Variants in ADGB observed in about 807,000 individuals in gnomAD.
ADGB encodes the protein androglobin.
ADGB carries 172 observed loss-of-function variants against 210.5 expected under a neutral mutation model. The ratio of observed to expected loss-of-function variants is 0.82; its 90% CI spans 0.72 to 0.93. ADGB has a LOEUF of 0.93. ADGB is among the 40% of genes least tolerant of loss of function. The pLI, the probability that ADGB is intolerant of heterozygous loss-of-function variation, is 0.00. For synonymous variants in ADGB, 658 were observed against 662.7 expected, an observed-to-expected ratio of 0.99 and a Z score of 0.11; for missense variants, 2,025 against 1,964.8, an observed-to-expected ratio of 1.03 and a Z score of -0.58.
In ADGB at chr6:146,618,854, C is replaced by A. The variant is rs59188092; in HGVS notation, c.75-16521C>A. On this transcript the variant is annotated intron_variant, in intron 1 of 35. Coordinates refer to ENST00000397944, the MANE Select transcript of ADGB (RefSeq NM_024694.4). ...GAGGGATGAAATGTTATGTAAATGT[C>A]TGTTAGGGCTCTTTCATCTGGAGTG... Among the ~76,000 whole-genome samples, 960 of 151,684 alleles carry A rather than the reference C, an allele frequency of 6.3e-3. 7 individuals carry two copies. Among genetic ancestry groups the A allele is most frequent in the African/African-American group, 0.022 (905 of 41,428 alleles).
chr6:146,700,662 G>C (rs1013959695), intron 12 of ADGB, among the ~76,000 whole-genome samples: 10 of 151,982 alleles, frequency 6.6e-5, no homozygotes, highest in African/African-American at 2.2e-4. Context: ...TTTCTGTTTT[G>C]ATCATCAAAA....
intron 35 of ADGB, among the ~76,000 whole-genome samples, chr6:146,805,078 G>A (rs9497637): frequency 0.019 from 2,824 of 152,212 alleles, 93 homozygotes; most frequent in African/African-American, 0.063. Context: ...TGTCCAGTGC[G>A]GTTCAATAGA....
In ADGB at chr6:146,676,309, T is replaced by A. The variant is rs1467483678; in HGVS notation, c.1088-4T>A. On this transcript the variant is annotated splice_region_variant and splice_polypyrimidine_tract_variant and intron_variant, in intron 8 of 35. Transcript: ENST00000397944. ...ATATTTATTGTGATTTTTTCATATG[T>A]TAGAGAAAGCAGATGCAAGAGACAT... 1.6e-5 allele frequency: 25 copies of A among 1,539,814 alleles called. No homozygotes were observed. Among genetic ancestry groups the A allele is most frequent in the Non-Finnish European group, 2.1e-5 (24 of 1,142,046 alleles).
chr6:146,600,719 ATT>A (rs11341825), intron 1 of ADGB, among the ~76,000 whole-genome samples: 23 of 149,620 alleles, frequency 1.5e-4, no homozygotes, highest in South Asian at 4.2e-4. Flanking sequence ...TAAAAACTAC[ATT>A]TTTTTTTTTC....
chr6:146,619,331 T>C (rs1335711048), intron 1 of ADGB, among the ~76,000 whole-genome samples: 1 of 152,112 alleles, frequency 6.6e-6, no homozygotes, highest in Non-Finnish European at 1.5e-5. Flanking sequence ...TCAGCCACTC[T>C]ATTTTTTAAT....
At chr6:146,788,050 C>T (rs905996043) in intron 32 of ADGB, among the ~76,000 whole-genome samples, 1 of 152,180 alleles carries the variant, frequency 6.6e-6, no homozygotes, top group Non-Finnish European at 1.5e-5. Flanking sequence ...TATTATGAAG[C>T]ATTGTCAGCA....
At chr6:146,655,998 AC>A (rs1170302353) in intron 4 of ADGB, among the ~76,000 whole-genome samples, 1 of 152,142 alleles carries the variant, frequency 6.6e-6, no homozygotes, top group Non-Finnish European at 1.5e-5. Context: ...ACCCACTGTG[AC>A]CTAGAGATTT....
intron 8 of ADGB, among the ~76,000 whole-genome samples, chr6:146,673,874 AC>A (rs767683467): frequency 3.9e-5 from 6 of 152,160 alleles, no homozygotes; most frequent in Non-Finnish European, 7.3e-5. Flanking sequence ...GCAAAATTAA[AC>A]CAGGAATGAT....
intron 1 of ADGB, among the ~76,000 whole-genome samples, chr6:146,600,773 A>G (rs944940298): frequency 1.4e-5 from 2 of 145,010 alleles, no homozygotes; most frequent in Non-Finnish European, 3.1e-5. Flanking sequence ...TTCCTTTTCT[A>G]TTTTACATAC....
intron 13 of ADGB, among the ~76,000 whole-genome samples, chr6:146,705,582 T>C (rs777513558): frequency 1.3e-5 from 2 of 152,196 alleles, no homozygotes; most frequent in African/African-American, 2.4e-5. Context: ...ATCATACTTG[T>C]AGATTTGCAT....
chr6:146,615,306 C>A (rs1462682985), intron 1 of ADGB, among the ~76,000 whole-genome samples: 2 of 151,310 alleles, frequency 1.3e-5, no homozygotes, highest in Non-Finnish European at 2.9e-5. Context: ...GATCCACCCC[C>A]ACAGTCAAAT....
At chr6:146,674,057 A>G (rs930964863) in intron 8 of ADGB, among the ~76,000 whole-genome samples, 1 of 152,180 alleles carries the variant, frequency 6.6e-6, no homozygotes, top group African/African-American at 2.4e-5. Flanking sequence ...TCGGGGCCAA[A>G]GGAAAAAGTG....
intron 28 of ADGB, among the ~76,000 whole-genome samples, chr6:146,766,633 T>C (rs1777580448): frequency 6.6e-6 from 1 of 151,988 alleles, no homozygotes. Context: ...AGTCTTCCCT[T>C]TCCAAAAAAC....
chr6:146,810,287 T>C (rs1436184082), intron 35 of ADGB, among the ~76,000 whole-genome samples: 2 of 151,572 alleles, frequency 1.3e-5, no homozygotes, highest in Non-Finnish European at 3.0e-5. Context: ...ATGGCTTTTA[T>C]CATAAAGACA....
rs1466488539 is a variant in ADGB at position 146,799,330 on chromosome 6, A to G, written c.4538-1853A>G. Among the ~76,000 whole-genome samples the G allele has an allele frequency of 2.0e-5, 3 of 151,996 alleles. No individual in the cohort carries two copies. The East Asian group carries it at 5.8e-4, about 29-fold the overall frequency. ...AAAAAGATACACTAACTGGGAAGAA[A>G]GAAAGAAAACTCCTGACCAACGTGA... On this transcript the variant is annotated intron_variant, in intron 33 of 35. Transcript: ENST00000397944.
chr6:146,629,158 T>C (rs1307297897), intron 1 of ADGB, among the ~76,000 whole-genome samples: 3 of 152,198 alleles, frequency 2.0e-5, no homozygotes, highest in Non-Finnish European at 4.4e-5. Flanking sequence ...AAAATCATCT[T>C]ATTCTCAGAA....
chr6:146,794,991 A>C (rs1251601914), intron 33 of ADGB, among the ~76,000 whole-genome samples: 3 of 121,216 alleles, frequency 2.5e-5, no homozygotes, highest in Non-Finnish European at 5.6e-5. Flanking sequence ...AGTTTAAGAG[A>C]AATCTTGGAG....
At chr6:146,744,499 A>G (rs1353406801) in intron 25 of ADGB, among the ~76,000 whole-genome samples, 1 of 152,244 alleles carries the variant, frequency 6.6e-6, no homozygotes, top group Non-Finnish European at 1.5e-5. Context: ...GCTGGCTTTA[A>G]GAATAGGTTT....
In ADGB at chr6:146,725,866, T is replaced by C. The variant is rs531882226; in HGVS notation, c.2238-217T>C. The C allele has an allele frequency of 6.6e-5, 27 of 409,502 alleles. No homozygotes were observed. The South Asian group carries it at 1.3e-3, about 19-fold the overall frequency. The allele number at this position is 409,502 out of a possible 1,614,324, so 25.4% of individuals were successfully genotyped here. On this transcript the variant is annotated intron_variant, in intron 18 of 35. Transcript: ENST00000397944. ...AGAAGTTTGGTATTTAGCCTAACTA[T>C]TTTTGTCCTACATAATAAGTAAAGC... is the stretch of plus-strand genomic sequence containing the variant.
Sources: allele counts gnomAD v4.1 joint callset (sites outside exome capture counted in the v4.1 genomes callset), GRCh38; gene constraint gnomAD v4.1.1; transcripts MANE v1.5; gene names NCBI Gene and HGNC (gene_info 2026-07-23, HGNC 2026-07-21).